Variants in PHYKPL observed in about 807,000 individuals in gnomAD.
PHYKPL encodes the protein 5-phosphonooxy-L-lysine phospho-lyase.
Under a neutral mutation model 51.3 loss-of-function variants are expected in PHYKPL, and 42 were observed. The ratio of observed to expected loss-of-function variants is 0.82; its 90% CI spans 0.64 to 1.06. PHYKPL has a LOEUF of 1.06. Among genes scored for constraint, PHYKPL ranks in the 50% least tolerant of loss-of-function variants. The pLI, the probability that PHYKPL is intolerant of heterozygous loss-of-function variation, is 0.00. For missense variants in PHYKPL, 655 were observed against 586.6 expected (o/e 1.12, Z -1.20); for synonymous variants, 264 against 236.0 (o/e 1.12, Z -1.09).
At chr5:178,213,241 CCT>C (rs1759015936) in intron 10 of PHYKPL, 138 bp from the exon 11 acceptor site, 4 of 1,193,962 alleles carry the variant, frequency 3.4e-6, no homozygotes, top group Non-Finnish European at 3.5e-6. Flanking sequence ...TTACTGGTCA[CCT>C]CTCCCAGAGT....
chr5:178,211,450 T>C (rs921613486), intron 12 of PHYKPL: 1 of 161,208 alleles, frequency 6.2e-6, no homozygotes, highest in Non-Finnish European at 1.4e-5. Context: ...ACCAACCTTC[T>C]TGGCTGATGA....
At position 178,231,478 on chromosome 5, in the gene PHYKPL, G is replaced by T; in HGVS notation, c.105C>A (p.Val35=). 6.2e-7 allele frequency: 1 copy of T among 1,614,188 alleles called. No homozygotes were observed. The highest frequency in any genetic ancestry group is 8.5e-7 in the Non-Finnish European group (1 of 1,180,034). The stretch of plus-strand genomic sequence containing the variant: ...CGTACATGTACTGCCCTTGGGCCCG[G>T]ACAATCTTAACAGGATCCTCGGGAA... ...LFFPEDPVKI[V]RAQGQYMYDE... The change falls in exon 2 of 13, where the codon GTC becomes GTA. Residue 35 remains valine (V), a synonymous_variant. Transcript: ENST00000308158.
At chr5:178,215,153 A>G (rs1759501319) in intron 9 of PHYKPL, 123 bp downstream of exon 9, 2 of 1,482,594 alleles carry the variant, frequency 1.3e-6, no homozygotes, top group Admixed American at 2.0e-5. Context: ...AGCACCTCTC[A>G]GTGTCTCAGT....
downstream of PHYKPL, among the ~76,000 whole-genome samples, chr5:178,207,805 G>A (rs181452764): frequency 6.7e-5 from 10 of 148,308 alleles, no homozygotes; most frequent in African/African-American, 2.2e-4. Context: ...TGGGCGGACC[G>A]GATCCTCCCA....
intron 2 of PHYKPL, chr5:178,231,003 C>G (rs552060662): frequency 5.8e-6 from 1 of 172,110 alleles, no homozygotes; most frequent in East Asian, 1.6e-4. Flanking sequence ...TCCATCAGCT[C>G]TGGCAGCCTC....
intron 1 of PHYKPL, 111 bp from the exon 2 acceptor site, chr5:178,231,634 A>G (rs527267666): frequency 5.0e-6 from 8 of 1,605,350 alleles, no homozygotes; most frequent in Middle Eastern, 3.4e-4. Context: ...CGGGGGGGAA[A>G]TGAGAGCTGG....
In PHYKPL at chr5:178,214,842, C is replaced by T. The variant is rs1667158632; in HGVS notation, c.1126G>A (p.Ala376Thr). The change falls in exon 10 of 13, where the codon GCC becomes ACC. Residue 376 changes from alanine to threonine, a missense_variant. By Grantham distance (58) the Ala-to-Thr change is moderately conservative. Transcript: ENST00000308158. ...TCTTCAGTTGCTGGTGTCCTTGTGG[C>T]CTCATCTTTGATCAGATCCACACCA... ...FIGVDLIKDEATRTPATEEAA... is the reference protein window; with the variant it reads ...FIGVDLIKDETTRTPATEEAA... The T allele has an allele frequency of 1.2e-6, 2 of 1,613,524 alleles. No individual in the cohort carries two copies. Among genetic ancestry groups the T allele is most frequent in the African/African-American group, 1.3e-5 (1 of 74,794 alleles).
At chr5:178,209,047 G>A (rs537587266) in intron 12 of PHYKPL, 132 bp from the exon 13 acceptor site, 20 of 382,566 alleles carry the variant, frequency 5.2e-5, no homozygotes, top group Admixed American at 1.6e-4. Flanking sequence ...CCCCTGGGCT[G>A]CAGTTGGCCC....
intron 1 of PHYKPL, 183 bp from the exon 2 acceptor site, chr5:178,231,706 A>G: frequency 1.3e-6 from 2 of 1,550,968 alleles, no homozygotes; most frequent in South Asian, 1.2e-5. Context: ...CAAAGCAGGA[A>G]GCAGATGGGG....
chr5:178,229,571 C>T (rs78915852), intron 3 of PHYKPL: 2,077 of 185,894 alleles, frequency 0.011, 50 homozygotes, highest in East Asian at 0.074. Context: ...TGTACACTTC[C>T]TCCAGAGCCC....
At position 178,222,844 on chromosome 5, in the gene PHYKPL, C is replaced by G. The variant is rs774805983; in HGVS notation, c.701+8G>C. The G allele has an allele frequency of 6.2e-7, 1 of 1,614,078 alleles. No homozygotes were observed. Among genetic ancestry groups the G allele is most frequent in the South Asian group, 1.1e-5 (1 of 91,058 alleles). On this transcript the variant is annotated splice_region_variant and intron_variant, in intron 7 of 12. Transcript: ENST00000308158. ...CCTCCCTAGAGCAGACCCCGCCCACCTACTCACTCTGCCACTTGGGAGAAG... is the reference window on the plus strand; with the variant it reads ...CCTCCCTAGAGCAGACCCCGCCCACGTACTCACTCTGCCACTTGGGAGAAG...
intron 1 of PHYKPL, chr5:178,231,971 C>T: frequency 2.9e-5 from 35 of 1,226,248 alleles, no homozygotes; most frequent in Non-Finnish European, 3.7e-5. Flanking sequence ...GGGTGCCAGC[C>T]CTAAGCTCCA....
intron 11 of PHYKPL, 84 bp from the exon 12 acceptor site, chr5:178,212,054 G>A (rs1408594811): frequency 2.1e-6 from 3 of 1,457,658 alleles, no homozygotes; most frequent in East Asian, 2.3e-5. Flanking sequence ...CAAACTGGAG[G>A]ACAGTTTAGA....
chr5:178,226,289 C>A (rs1425698618), intron 3 of PHYKPL, among the ~76,000 whole-genome samples: 4 of 151,982 alleles, frequency 2.6e-5, no homozygotes, highest in African/African-American at 9.7e-5. Context: ...GTTGGCTAGG[C>A]TGGTCTCAAA....
intron 3 of PHYKPL, among the ~76,000 whole-genome samples, chr5:178,229,222 C>A (rs1762899363): frequency 6.6e-6 from 1 of 152,170 alleles, no homozygotes; most frequent in Admixed American, 6.5e-5. Context: ...TCTCCTGCCC[C>A]AGCCTCCTGA....
chr5:178,211,786 C>CAA lies in PHYKPL; in HGVS notation c.*31+102_*31+103dup, dbSNP rs567621837. The CAA allele has an allele frequency of 2.3e-5, 17 of 741,022 alleles. 1 individual carries two copies. In the South Asian group the frequency reaches 2.6e-4, roughly 11 times the overall value. The allele number at this position is 741,022 out of a possible 1,614,324, so 45.9% of individuals were successfully genotyped here. On this transcript the variant is annotated intron_variant, in intron 12 of 12. Coordinates refer to ENST00000308158, the MANE Select transcript of PHYKPL (RefSeq NM_153373.4). ...CTTTGGGAAGGAGCATCAGTCAGAA[C>CAA]AAAAAAAAGTCTTAAAAAAAGGCTC...
At chr5:178,222,644 A>T (rs1036459922) in intron 7 of PHYKPL, 64 bp from the exon 8 acceptor site, 9 of 1,556,658 alleles carry the variant, frequency 5.8e-6, no homozygotes, top group Non-Finnish European at 7.0e-6. Flanking sequence ...AGGACCCAGG[A>T]GGTCTCGGGG....
intron 3 of PHYKPL, among the ~76,000 whole-genome samples, chr5:178,228,920 G>T (rs1345781652): frequency 6.6e-6 from 1 of 152,056 alleles, no homozygotes; most frequent in Non-Finnish European, 1.5e-5. Flanking sequence ...TTCCCCACTT[G>T]GCGGAGAAGG....
intron 7 of PHYKPL, 46 bp downstream of exon 7, chr5:178,222,806 A>G: frequency 6.2e-7 from 1 of 1,601,672 alleles, no homozygotes; most frequent in Non-Finnish European, 8.5e-7. Flanking sequence ...GGAAAACCTC[A>G]TTAGACCCCT....
Sources: allele counts gnomAD v4.1 joint callset (sites outside exome capture counted in the v4.1 genomes callset), GRCh38; gene constraint gnomAD v4.1.1; transcripts MANE v1.5; gene names NCBI Gene and HGNC (gene_info 2026-07-23, HGNC 2026-07-21).